The following LSAMP variants were observed in gnomAD, a reference collection of about 807,000 sequenced individuals.
The protein encoded by LSAMP is limbic system-associated membrane protein.
In LSAMP, 7 loss-of-function variants were observed where a neutral mutation model predicts 38.6. That is an observed-to-expected ratio of 0.18 (90% confidence interval 0.10 to 0.34). The LOEUF is 0.34. Among genes scored for constraint, LSAMP ranks in the 10% least tolerant of loss-of-function variants. LSAMP has a pLI of 1.00. For missense variants in LSAMP, 313 were observed against 420.0 expected, an observed-to-expected ratio of 0.75 and a Z score of 2.23; for synonymous variants, 154 against 166.8, an observed-to-expected ratio of 0.92 and a Z score of 0.59.
chr3:116,038,828 T>G (rs1169883030), intron 2 of LSAMP, among the ~76,000 whole-genome samples: 2 of 152,238 alleles, frequency 1.3e-5, no homozygotes, highest in African/African-American at 4.8e-5. Context: ...AAGACTGAGA[T>G]CTTCCCTTAT....
intron 1 of LSAMP, among the ~76,000 whole-genome samples, chr3:116,370,763 T>C (rs2048420298): frequency 6.6e-6 from 1 of 152,036 alleles, no homozygotes; most frequent in South Asian, 2.1e-4. Context: ...AACAGAAATA[T>C]AACAGGGAAA....
intron 6 of LSAMP, among the ~76,000 whole-genome samples, chr3:115,836,067 A>G (rs1934771152): frequency 6.6e-6 from 1 of 152,094 alleles, no homozygotes; most frequent in Non-Finnish European, 1.5e-5. Flanking sequence ...TCAGCTTAAT[A>G]TTTTCTCATC....
chr3:116,257,456 A>G (rs2046766573), intron 1 of LSAMP, among the ~76,000 whole-genome samples: 1 of 152,156 alleles, frequency 6.6e-6, no homozygotes. Flanking sequence ...GCAGTCATAC[A>G]AGATTCAATT....
chr3:115,960,068 C>A (rs191851087), intron 3 of LSAMP, among the ~76,000 whole-genome samples: 38 of 152,154 alleles, frequency 2.5e-4, no homozygotes, highest in Admixed American at 3.9e-4. Context: ...CTCTTATGAG[C>A]TGAATTGTGT....
At chr3:115,867,210 A>T (rs1559858571) in intron 3 of LSAMP, among the ~76,000 whole-genome samples, 1 of 152,052 alleles carries the variant, frequency 6.6e-6, no homozygotes, top group Admixed American at 6.6e-5. Flanking sequence ...TTCAGAAGAT[A>T]ATTGGGTAAG....
intron 1 of LSAMP, among the ~76,000 whole-genome samples, chr3:116,306,945 A>G (rs2047492425): frequency 6.6e-6 from 1 of 151,986 alleles, no homozygotes; most frequent in African/African-American, 2.4e-5. Flanking sequence ...CAGCCTTTGA[A>G]CTACAACTCA....
intron 3 of LSAMP, among the ~76,000 whole-genome samples, chr3:115,930,046 G>A (rs146859699): frequency 8.3e-6 from 1 of 120,998 alleles, no homozygotes; most frequent in African/African-American, 3.3e-5. Flanking sequence ...GATAGGTCTT[G>A]TGAAGTATTG....
At position 116,436,994 on chromosome 3, in the gene LSAMP, C is replaced by CAT. The variant is rs530631876; in HGVS notation, c.155+7881_155+7882dup. ...AGAAAGTGTGGCATATATATATATGCATATATATATATGTGTATATATATG... is the reference window on the plus strand; with the variant it reads ...AGAAAGTGTGGCATATATATATATGCATATATATATATATGTGTATATATATG... On this transcript the variant is annotated intron_variant, in intron 1 of 6. Coordinates refer to ENST00000490035, the MANE Select transcript of LSAMP (RefSeq NM_002338.5). 6.8e-3 allele frequency among the ~76,000 whole-genome samples: 999 copies of CAT among 145,986 alleles called. 5 individuals carry two copies. The highest frequency in any genetic ancestry group is 0.029 in the Middle Eastern group (8 of 276).
chr3:116,057,014 T>A (rs1941501879), intron 2 of LSAMP, among the ~76,000 whole-genome samples: 1 of 152,188 alleles, frequency 6.6e-6, no homozygotes, highest in South Asian at 2.1e-4. Flanking sequence ...TGTGGGTGGA[T>A]CCTTTATGAG....
chr3:115,873,993 G>T (rs1312101022), intron 3 of LSAMP, among the ~76,000 whole-genome samples: 1 of 152,126 alleles, frequency 6.6e-6, no homozygotes, highest in East Asian at 1.9e-4. Flanking sequence ...GAGCCTCTAT[G>T]TAATAAGAAA....
intron 3 of LSAMP, among the ~76,000 whole-genome samples, chr3:115,983,750 T>C (rs1939431118): frequency 6.6e-6 from 1 of 151,996 alleles, no homozygotes; most frequent in Admixed American, 6.6e-5. Context: ...CAGTGCCTAG[T>C]GGAAAACACA....
At chr3:115,810,516 T>C in intron 6 of LSAMP, 102 bp from the exon 7 acceptor site, 1 of 772,050 alleles carries the variant, frequency 1.3e-6, no homozygotes, top group South Asian at 1.6e-5. Flanking sequence ...CCTGGCCAGG[T>C]ACTAGCATCT....
At chr3:115,893,140 C>T (rs1936643321) in intron 3 of LSAMP, among the ~76,000 whole-genome samples, 1 of 151,810 alleles carries the variant, frequency 6.6e-6, no homozygotes, top group Non-Finnish European at 1.5e-5. Context: ...CACACTGGGG[C>T]CTGTCGGGGA....
intron 1 of LSAMP, among the ~76,000 whole-genome samples, chr3:116,159,042 T>C (rs1425847075): frequency 6.6e-6 from 1 of 152,138 alleles, no homozygotes; most frequent in African/African-American, 2.4e-5. Flanking sequence ...GGGGCTGGTA[T>C]GCAATAAATG....
Position 115,810,221 on chromosome 3 carries a change from A to ATCTCTCTCTC in LSAMP, c.*86_*95dup. On this transcript the variant is annotated 3_prime_UTR_variant, in exon 7 of 7. Coordinates refer to ENST00000490035, the MANE Select transcript of LSAMP (RefSeq NM_002338.5). ...AGTTGTGAAATAAACGGTCTCCCCCATCTCTCTCTCTCTCTCTCTCTCTGT... is the reference window on the plus strand; with the variant it reads ...AGTTGTGAAATAAACGGTCTCCCCCATCTCTCTCTCTCTCTCTCTCTCTCTCTCTCTCTGT... The ATCTCTCTCTC allele has an allele frequency of 3.1e-6, 2 of 648,420 alleles. No homozygotes were observed. Among genetic ancestry groups the ATCTCTCTCTC allele is most frequent in the Non-Finnish European group, 5.1e-6 (2 of 393,768 alleles). The allele number at this position is 648,420 out of a possible 1,614,324, so 40.2% of individuals were successfully genotyped here. A position where few individuals can be genotyped will look rare whatever the true frequency, so the allele number is the denominator to read the frequency against.
chr3:116,303,476 T>A (rs569302919), intron 1 of LSAMP, among the ~76,000 whole-genome samples: 1 of 152,300 alleles, frequency 6.6e-6, no homozygotes, highest in Non-Finnish European at 1.5e-5. Flanking sequence ...TCTATTCTTT[T>A]TTTGGATTGA....
At chr3:116,340,047 G>A (rs1349613125) in intron 1 of LSAMP, among the ~76,000 whole-genome samples, 1 of 152,022 alleles carries the variant, frequency 6.6e-6, no homozygotes, top group Non-Finnish European at 1.5e-5. Context: ...TGACTAGAAA[G>A]TTTGCAAGGC....
intron 1 of LSAMP, among the ~76,000 whole-genome samples, chr3:116,176,235 G>A (rs569780766): frequency 3.9e-5 from 6 of 152,162 alleles, no homozygotes; most frequent in African/African-American, 1.4e-4. Flanking sequence ...AGTAGAAAAT[G>A]GAGGATTTCA....
At chr3:115,907,917 A>G (rs1019198348) in intron 3 of LSAMP, among the ~76,000 whole-genome samples, 2 of 152,100 alleles carry the variant, frequency 1.3e-5, no homozygotes, top group Non-Finnish European at 2.9e-5. Context: ...CTTACTGGGC[A>G]GTTTCCAAAT....
Sources: allele counts gnomAD v4.1 joint callset (sites outside exome capture counted in the v4.1 genomes callset), GRCh38; gene constraint gnomAD v4.1.1; transcripts MANE v1.5; gene names NCBI Gene and HGNC (gene_info 2026-07-23, HGNC 2026-07-21).